The following ZFHX3 variants were observed in gnomAD, a reference collection of about 807,000 sequenced individuals.
The protein encoded by ZFHX3 is zinc finger homeobox 3.
A neutral mutation model predicts 279.1 loss-of-function variants in ZFHX3; 42 were observed. The observed-to-expected ratio is 0.15, with a 90% CI of 0.12 to 0.19. The LOEUF (loss-of-function observed/expected upper bound fraction) is 0.19, where lower values mean the gene tolerates loss of function less well. Among genes scored for constraint, ZFHX3 ranks in the 10% least tolerant of loss-of-function variants. The probability of loss-of-function intolerance (pLI) is 1.00; values close to 1 mark genes in which losing one functional copy is unlikely to be tolerated. For synonymous variants in ZFHX3, 2,293 were observed against 1,957.8 expected, an observed-to-expected ratio of 1.17 and a Z score of -4.52; for missense variants, 4,981 against 4,754.0, an observed-to-expected ratio of 1.05 and a Z score of -1.40.
rs181791882 is a variant in ZFHX3 at position 72,854,995 on chromosome 16, A to C, written c.3449-25136T>G. On this transcript the variant is annotated intron_variant, in intron 4 of 9. Transcript: ENST00000268489. ...CAAATTCAAACAACAAACTCCTATC[A>C]GTCCATCTGAGGGCAATGGGGAGAT... 8.5e-4 allele frequency among the ~76,000 whole-genome samples: 129 copies of C among 152,024 alleles called. 1 individual carries two copies. Among genetic ancestry groups the C allele is most frequent in the South Asian group, 4.4e-3 (21 of 4,810 alleles).
chr16:73,533,322 T>C (rs1410106513), intron 2 of ZFHX3, among the ~76,000 whole-genome samples: 1 of 151,284 alleles, frequency 6.6e-6, no homozygotes, highest in African/African-American at 2.4e-5. Context: ...TTCTGCATTT[T>C]CATATTCTGC....
intron 5 of ZFHX3, among the ~76,000 whole-genome samples, chr16:73,253,050 G>A (rs2013556880): frequency 6.6e-6 from 1 of 152,174 alleles, no homozygotes; most frequent in South Asian, 2.1e-4. Flanking sequence ...TGCAGGTCAT[G>A]CTGCTCCCAG....
At chr16:73,751,529 G>A (rs1257499930) in intron 1 of ZFHX3, among the ~76,000 whole-genome samples, 1 of 151,706 alleles carries the variant, frequency 6.6e-6, no homozygotes, top group African/African-American at 2.4e-5. Flanking sequence ...ATGTGTTTAT[G>A]TGTGTGTGTG....
At chr16:73,634,268 A>G (rs2052506578) in intron 2 of ZFHX3, among the ~76,000 whole-genome samples, 1 of 151,612 alleles carries the variant, frequency 6.6e-6, no homozygotes. Flanking sequence ...TTCTCTGCCA[A>G]AAAGGGATGA....
chr16:73,816,411 C>G (rs966349161), intron 1 of ZFHX3, among the ~76,000 whole-genome samples: 1 of 152,076 alleles, frequency 6.6e-6, no homozygotes, highest in Non-Finnish European at 1.5e-5. Flanking sequence ...CCAGCCAAGT[C>G]CAGACTACCC....
At chr16:73,335,532 A>G (rs2015895698) in intron 3 of ZFHX3, among the ~76,000 whole-genome samples, 2 of 152,210 alleles carry the variant, frequency 1.3e-5, no homozygotes, top group South Asian at 4.1e-4. Flanking sequence ...AAAGCCATCA[A>G]AACAAACTCA....
At position 73,197,764 on chromosome 16, in the gene ZFHX3, G is replaced by T. The variant is rs1215607175; in HGVS notation, c.-1103-53933C>A. 2.0e-5 allele frequency among the ~76,000 whole-genome samples: 3 copies of T among 152,048 alleles called. 1 individual carries two copies. The highest frequency in any genetic ancestry group is 1.3e-4 in the Admixed American group (2 of 15,258). On this transcript the variant is annotated intron_variant, in intron 5 of 17. Coordinates refer to the ZFHX3 transcript ENST00000641206. ...ACCTTACTTGACATAGACTAAGTGG[G>T]CTGGGAATGGGCTGGCCGTTGGTTC...
intron 2 of ZFHX3, among the ~76,000 whole-genome samples, chr16:73,655,578 A>G (rs1350590637): frequency 2.0e-5 from 3 of 152,184 alleles, no homozygotes; most frequent in Non-Finnish European, 4.4e-5. Context: ...TTATTCCAAA[A>G]TTGAATACAT....
chr16:73,130,853 C>A (rs1215656221), intron 7 of ZFHX3: 5 of 861,174 alleles, frequency 5.8e-6, no homozygotes, highest in Admixed American at 3.8e-5. Flanking sequence ...GGTGATCCAC[C>A]TGCCTCGGCC....
At chr16:73,000,490 C>T (rs184106003) in intron 1 of ZFHX3, among the ~76,000 whole-genome samples, 3 of 152,162 alleles carry the variant, frequency 2.0e-5, no homozygotes, top group African/African-American at 7.2e-5. Flanking sequence ...ATAGAGTATC[C>T]TTTAACTGAA....
intron 1 of ZFHX3, among the ~76,000 whole-genome samples, chr16:72,996,721 T>A (rs2144584904): frequency 6.6e-6 from 1 of 152,366 alleles, no homozygotes; most frequent in East Asian, 1.9e-4. Flanking sequence ...CAGTTTCACC[T>A]GGTAAACCTA....
intron 3 of ZFHX3, among the ~76,000 whole-genome samples, chr16:73,448,781 C>T (rs1295268800): frequency 6.7e-6 from 1 of 150,184 alleles, no homozygotes; most frequent in Admixed American, 6.7e-5. Context: ...CTGTCTATTG[C>T]ATTCTCTATT....
chr16:73,880,885 C>T (rs1245683208), intron 1 of ZFHX3, among the ~76,000 whole-genome samples: 1 of 152,106 alleles, frequency 6.6e-6, no homozygotes. Flanking sequence ...TGTCTCTGCA[C>T]CCCTTATTTA....
chr16:72,950,606 A>G lies in ZFHX3; in HGVS notation c.3079T>C (p.Trp1027Arg), dbSNP rs2048182654. The change falls in exon 3 of 10, where the codon TGG becomes CGG. Residue 1027 changes from tryptophan to arginine, a missense_variant. By Grantham distance (101) the Trp-to-Arg change is moderately radical. This residue lies in a region of ZFHX3 where 1,751 missense variants were observed against 1,770.0 expected (regional missense o/e 0.99). Transcript: ENST00000268489. ...CCGATGGCCACACACTTGAGCCTCC[A>G]CTCGTTGGCCTTGCCGCCCTCCTTG... is the stretch of plus-strand genomic sequence containing the variant. ...HIKEGGKANE[W>R]RLKCVAIGNP... The G allele has an allele frequency of 1.2e-6, 2 of 1,613,808 alleles. No homozygotes were observed. Among genetic ancestry groups the G allele is most frequent in the African/African-American group, 2.7e-5 (2 of 74,816 alleles).
chr16:73,612,871 G>GA (rs947788672), intron 2 of ZFHX3, among the ~76,000 whole-genome samples: 1 of 151,448 alleles, frequency 6.6e-6, no homozygotes, highest in South Asian at 2.1e-4. Flanking sequence ...TGATATAATA[G>GA]AAAAAAATGA....
chr16:73,836,343 G>A (rs1355870674), intron 1 of ZFHX3, among the ~76,000 whole-genome samples: 2 of 152,110 alleles, frequency 1.3e-5, no homozygotes, highest in Non-Finnish European at 2.9e-5. Flanking sequence ...GAAAAAAACT[G>A]AGTATTTATA....
chr16:73,340,954 A>T (rs1160843061), intron 3 of ZFHX3, among the ~76,000 whole-genome samples: 2 of 152,232 alleles, frequency 1.3e-5, no homozygotes, highest in African/African-American at 4.8e-5. Context: ...AAACATCATA[A>T]GCAAAATCAA....
At chr16:73,762,561 G>C (rs2053881322) in intron 1 of ZFHX3, among the ~76,000 whole-genome samples, 1 of 152,110 alleles carries the variant, frequency 6.6e-6, no homozygotes, top group Non-Finnish European at 1.5e-5. Context: ...CAATAGCAAA[G>C]ACATGGAATC....
chr16:73,555,500 C>T (rs1366299492), intron 2 of ZFHX3, among the ~76,000 whole-genome samples: 1 of 151,926 alleles, frequency 6.6e-6, no homozygotes. Flanking sequence ...CGCTTCCCTC[C>T]CCAGTGGGAT....
Sources: allele counts gnomAD v4.1 joint callset (sites outside exome capture counted in the v4.1 genomes callset), GRCh38; gene constraint gnomAD v4.1.1; regional missense constraint gnomAD v4.1.1; transcripts MANE v1.5; gene names NCBI Gene and HGNC (gene_info 2026-07-23, HGNC 2026-07-21).